Variants in CDH4 observed in about 807,000 individuals in gnomAD.
CDH4 encodes cadherin 4.
A neutral mutation model predicts 86.0 loss-of-function variants in CDH4; 33 were observed. The ratio of observed to expected loss-of-function variants is 0.38; its 90% CI spans 0.29 to 0.51. The LOEUF (loss-of-function observed/expected upper bound fraction) is 0.51, where lower values mean the gene tolerates loss of function less well. Among genes scored for constraint, CDH4 ranks in the 20% least tolerant of loss-of-function variants. The pLI, the probability that CDH4 is intolerant of heterozygous loss-of-function variation, is 0.86. For synonymous variants in CDH4, 555 were observed against 549.4 expected, an observed-to-expected ratio of 1.01 and a Z score of -0.14; for missense variants, 1,114 against 1,307.4, an observed-to-expected ratio of 0.85 and a Z score of 2.28.
intron 2 of CDH4, among the ~76,000 whole-genome samples, chr20:61,612,002 G>T (rs2086689123): frequency 2.0e-5 from 3 of 151,992 alleles, no homozygotes; most frequent in Admixed American, 2.0e-4. Flanking sequence ...TTTTTCTTGT[G>T]GTTTTGCAAA....
intron 2 of CDH4, among the ~76,000 whole-genome samples, chr20:61,365,981 T>C (rs1341532826): frequency 5.3e-5 from 8 of 152,124 alleles, no homozygotes; most frequent in Non-Finnish European, 1.2e-4. Flanking sequence ...GATAGTAAAT[T>C]ACCCAAATGC....
rs956267886 is a variant in CDH4 at position 61,623,584 on chromosome 20, G to A, written c.170-119979G>A. 6.6e-5 allele frequency among the ~76,000 whole-genome samples: 10 copies of A among 152,108 alleles called. No homozygotes were observed. The highest frequency in any genetic ancestry group is 1.3e-4 in the Admixed American group (2 of 15,274). On this transcript the variant is annotated intron_variant, in intron 2 of 15. Transcript: ENST00000614565. The surrounding 1 kb of genome is among the most constrained non-coding windows in gnomAD (Gnocchi z 4.4). ...AGGGTCATCAAGAGCTAGACCCAGC[G>A]GCCGTGTTGTCTTTCCTCTACATGA... is the stretch of plus-strand genomic sequence containing the variant.
At chr20:61,381,999 C>G (rs539459764) in intron 2 of CDH4, among the ~76,000 whole-genome samples, 2 of 151,974 alleles carry the variant, frequency 1.3e-5, no homozygotes, top group Admixed American at 6.6e-5. Context: ...TTGTTTGAAC[C>G]TGGGAGGCAG....
intron 4 of CDH4, among the ~76,000 whole-genome samples, chr20:61,800,498 TCTC>T (rs1979772361): frequency 6.6e-6 from 1 of 152,138 alleles, no homozygotes; most frequent in African/African-American, 2.4e-5. Context: ...TCCTTGTGAA[TCTC>T]CTCATCGCCC....
At chr20:61,564,936 G>A (rs1173463072) in intron 2 of CDH4, among the ~76,000 whole-genome samples, 1 of 152,180 alleles carries the variant, frequency 6.6e-6, no homozygotes, top group Non-Finnish European at 1.5e-5. Flanking sequence ...CCTCTGAAAT[G>A]TGAACATGTT....
intron 2 of CDH4, among the ~76,000 whole-genome samples, chr20:61,644,143 A>G (rs1213279814): frequency 2.0e-5 from 3 of 152,188 alleles, no homozygotes; most frequent in Admixed American, 6.5e-5. Context: ...ACTTGATCCA[A>G]TATCAGGAGT....
chr20:61,579,344 CG>C (rs2086408524), intron 2 of CDH4, among the ~76,000 whole-genome samples: 1 of 144,942 alleles, frequency 6.9e-6, no homozygotes, highest in African/African-American at 2.6e-5. Context: ...TGGAGTGCAG[CG>C]GCGTGATCTG....
chr20:61,745,165 C>T (rs1055783942), intron 3 of CDH4, among the ~76,000 whole-genome samples: 2 of 152,352 alleles, frequency 1.3e-5, no homozygotes, highest in African/African-American at 4.8e-5. Context: ...AAAGGGCCCT[C>T]GGGAAGTAAA....
At chr20:61,439,445 G>A (rs1277263808) in intron 2 of CDH4, among the ~76,000 whole-genome samples, 1 of 152,234 alleles carries the variant, frequency 6.6e-6, no homozygotes, top group Non-Finnish European at 1.5e-5. Flanking sequence ...CCCAAGCCAT[G>A]ACCAGCCAGG....
chr20:61,694,915 C>T lies in CDH4; in HGVS notation c.170-48648C>T, dbSNP rs146467833. Among the ~76,000 whole-genome samples, 69 of 152,330 alleles carry T rather than the reference C, an allele frequency of 4.5e-4. 1 individual carries two copies. Among genetic ancestry groups the T allele is most frequent in the Middle Eastern group, 3.4e-3 (1 of 294 alleles). ...CATAGCTTCAGATCCCGTGCGCCGC[C>T]GGAGAGCTGGAATGAGGCCTGTTGT... On this transcript the variant is annotated intron_variant, in intron 2 of 15. Transcript: ENST00000614565.
Position 61,882,313 on chromosome 20 carries a change from G to A in CDH4, c.1050+8413G>A, listed in dbSNP as rs77027449. Among the ~76,000 whole-genome samples the A allele has an allele frequency of 4.6e-3, 696 of 152,370 alleles. 5 individuals carry two copies. The highest frequency in any genetic ancestry group is 6.8e-3 in the Middle Eastern group (2 of 294). On this transcript the variant is annotated intron_variant, in intron 7 of 15. Coordinates refer to ENST00000614565, the MANE Select transcript of CDH4 (RefSeq NM_001794.5). ...GCCAGGTTACTTAGGAGGAAGGAGC[G>A]GGGATTTCATCTGTGCCCTCAGCGG...
chr20:61,464,755 C>A (rs189246337), intron 2 of CDH4, among the ~76,000 whole-genome samples: 1 of 152,168 alleles, frequency 6.6e-6, no homozygotes, highest in East Asian at 1.9e-4. Flanking sequence ...GAGCCCAGGT[C>A]CCCTCCTGAG....
At chr20:61,540,028 A>G (rs988991349) in intron 2 of CDH4, among the ~76,000 whole-genome samples, 25 of 152,120 alleles carry the variant, frequency 1.6e-4, no homozygotes, top group Non-Finnish European at 3.2e-4. Context: ...CTGGGAGGCA[A>G]TTCGATCCGA....
intron 2 of CDH4, among the ~76,000 whole-genome samples, chr20:61,554,898 T>C (rs2086164787): frequency 6.6e-6 from 1 of 152,262 alleles, no homozygotes; most frequent in Admixed American, 6.5e-5. Flanking sequence ...TTTACATGTA[T>C]GTGTGCAGAC....
intron 2 of CDH4, among the ~76,000 whole-genome samples, chr20:61,555,026 A>G (rs1200330124): frequency 6.6e-6 from 1 of 152,114 alleles, no homozygotes; most frequent in Non-Finnish European, 1.5e-5. Context: ...GTGTGTGCAC[A>G]CCTGTGTGCA....
At chr20:61,731,860 G>A (rs911106718) in intron 2 of CDH4, among the ~76,000 whole-genome samples, 2 of 152,162 alleles carry the variant, frequency 1.3e-5, no homozygotes, top group African/African-American at 4.8e-5. Context: ...GCACAGCCTG[G>A]CGGGGATGCC....
chr20:61,729,053 C>A (rs950910961), intron 2 of CDH4, among the ~76,000 whole-genome samples: 1 of 152,186 alleles, frequency 6.6e-6, no homozygotes, highest in African/African-American at 2.4e-5. Context: ...CAGCCGTCCT[C>A]GCCCATGTGG....
At chr20:61,726,759 C>A (rs372288086) in intron 2 of CDH4, among the ~76,000 whole-genome samples, 1 of 149,096 alleles carries the variant, frequency 6.7e-6, no homozygotes, top group Non-Finnish European at 1.5e-5. Flanking sequence ...TCGTCACCAT[C>A]GGAGGCATCA....
intron 4 of CDH4, among the ~76,000 whole-genome samples, chr20:61,803,710 A>G (rs1979962425): frequency 6.6e-6 from 1 of 152,242 alleles, no homozygotes; most frequent in South Asian, 2.1e-4. Context: ...TTGGAAGGAA[A>G]CGTTCAACTG....
Sources: allele counts gnomAD v4.1 joint callset (sites outside exome capture counted in the v4.1 genomes callset), GRCh38; gene constraint gnomAD v4.1.1; non-coding constraint Gnocchi (gnomAD v3.1); transcripts MANE v1.5; gene names NCBI Gene and HGNC (gene_info 2026-07-23, HGNC 2026-07-21).